KCNC2: variants seen among roughly 807,000 people sequenced by gnomAD.
KCNC2 encodes the protein potassium voltage-gated channel subfamily C member 2.
KCNC2 carries 21 observed loss-of-function variants against 44.5 expected under a neutral mutation model. That is an observed-to-expected ratio of 0.47 (90% CI 0.33 to 0.68). KCNC2 has a LOEUF of 0.68. Among genes scored for constraint, KCNC2 ranks in the 30% least tolerant of loss-of-function variants. The pLI, the probability that KCNC2 is intolerant of heterozygous loss-of-function variation, is 0.01. For synonymous variants in KCNC2, 391 were observed against 339.1 expected, an observed-to-expected ratio of 1.15 and a Z score of -1.68; for missense variants, 589 against 826.2, an observed-to-expected ratio of 0.71 and a Z score of 3.52.
Position 75,042,574 on chromosome 12 carries a change from G to T in KCNC2, c.*531C>A. The T allele has an allele frequency of 1.5e-6, 2 of 1,376,860 alleles. No homozygotes were observed. The highest frequency in any genetic ancestry group is 1.9e-6 in the Non-Finnish European group (2 of 1,067,512). The allele number at this position is 1,376,860 out of a possible 1,614,324, so 85.3% of individuals were successfully genotyped here. ...CCAATGCTTTCATATCAGCAGGATG[G>T]TTCGATGCAAGTACACATATCCTGA... On this transcript the variant is annotated 3_prime_UTR_variant, in exon 5 of 5. Transcript: ENST00000549446.
chr12:75,091,767 T>TA (rs533136516), intron 2 of KCNC2, among the ~76,000 whole-genome samples: 15 of 150,846 alleles, frequency 9.9e-5, no homozygotes, highest in South Asian at 6.3e-4. Flanking sequence ...AGTGCTATGT[T>TA]AAAAAAAAAT....
At chr12:75,181,895 A>G (rs1025777100) in intron 2 of KCNC2, among the ~76,000 whole-genome samples, 10 of 119,884 alleles carry the variant, frequency 8.3e-5, no homozygotes, top group Non-Finnish European at 1.7e-4. Context: ...CTAGGGAAAC[A>G]TTATTACTAT....
At chr12:75,140,536 T>C (rs945769463) in intron 2 of KCNC2, among the ~76,000 whole-genome samples, 1 of 152,200 alleles carries the variant, frequency 6.6e-6, no homozygotes, top group African/African-American at 2.4e-5. Flanking sequence ...ATTGATCTTG[T>C]TTGCTACCAT....
At chr12:75,195,114 G>A (rs183369226) in intron 2 of KCNC2, among the ~76,000 whole-genome samples, 1 of 152,224 alleles carries the variant, frequency 6.6e-6, no homozygotes, top group Non-Finnish European at 1.5e-5. Context: ...ACATGGGACA[G>A]GCAGTTCTGT....
At chr12:75,175,953 AT>A (rs1469643714) in intron 2 of KCNC2, among the ~76,000 whole-genome samples, 2 of 152,080 alleles carry the variant, frequency 1.3e-5, no homozygotes, top group Admixed American at 1.3e-4. Context: ...ATCCTAAAAA[AT>A]GATTTATTAT....
At chr12:75,098,769 T>TAAAA (rs1460434230) in intron 2 of KCNC2, among the ~76,000 whole-genome samples, 1 of 150,736 alleles carries the variant, frequency 6.6e-6, no homozygotes, top group Non-Finnish European at 1.5e-5. Context: ...AATAAATAAA[T>TAAAA]AAATAAATAA....
chr12:75,071,973 T>G (rs1206538594), intron 2 of KCNC2, among the ~76,000 whole-genome samples: 1 of 128,050 alleles, frequency 7.8e-6, no homozygotes, highest in African/African-American at 3.1e-5. Context: ...AAGAGTTAAC[T>G]CTTCATAAAA....
Position 75,041,184 on chromosome 12 carries a change from T to A in KCNC2, c.*1921A>T, listed in dbSNP as rs1228890078. 6.3e-7 allele frequency: 1 copy of A among 1,596,248 alleles called. No individual in the cohort carries two copies. Among genetic ancestry groups the A allele is most frequent in the Non-Finnish European group, 8.5e-7 (1 of 1,178,374 alleles). ...CTGTCCCTTTCTCAGCAGTCAATAA[T>A]CCATGATAAATTCTGTACAACACTG... On this transcript the variant is annotated 3_prime_UTR_variant, in exon 5 of 5. Transcript: ENST00000549446.
chr12:75,098,656 G>A lies in KCNC2; in HGVS notation c.688-47339C>T, dbSNP rs181292234. Among the ~76,000 whole-genome samples the A allele has an allele frequency of 1.4e-3, 206 of 152,112 alleles. 1 individual carries two copies. The highest frequency in any genetic ancestry group is 4.5e-3 in the African/African-American group (188 of 41,480). ...CACCTGTAATCCCAGCTGCTTGGGA[G>A]GCTGAGGCAGGAGAATGGCTTGAAC... On this transcript the variant is annotated intron_variant, in intron 2 of 4. Transcript: ENST00000549446.
intron 2 of KCNC2, among the ~76,000 whole-genome samples, chr12:75,171,172 A>T (rs915720425): frequency 6.6e-6 from 1 of 151,932 alleles, no homozygotes; most frequent in Non-Finnish European, 1.5e-5. Flanking sequence ...TATACCCTTG[A>T]TAATCTCCTT....
intron 2 of KCNC2, among the ~76,000 whole-genome samples, chr12:75,094,062 C>T (rs1885716709): frequency 6.6e-6 from 1 of 151,608 alleles, no homozygotes; most frequent in Admixed American, 6.6e-5. Context: ...CAAATTCTTG[C>T]TTCCCCTTTG....
At chr12:75,056,029 A>T (rs1002163559) in intron 2 of KCNC2, among the ~76,000 whole-genome samples, 2 of 152,070 alleles carry the variant, frequency 1.3e-5, no homozygotes, top group African/African-American at 2.4e-5. Context: ...GCCCAGGATC[A>T]CTAATATTGC....
At chr12:75,156,939 G>T (rs1379964) in intron 2 of KCNC2, among the ~76,000 whole-genome samples, 29,666 of 151,570 alleles carry the variant, frequency 0.2, 3,209 homozygotes, top group African/African-American at 0.27. Flanking sequence ...ACTAACACTG[G>T]GTAAAGTGTT....
At chr12:75,120,615 G>C (rs1887983924) in intron 2 of KCNC2, among the ~76,000 whole-genome samples, 1 of 152,124 alleles carries the variant, frequency 6.6e-6, no homozygotes, top group South Asian at 2.1e-4. Context: ...CCCTGACACA[G>C]AAGTGCTAAA....
chr12:75,208,113 G>C, intron 1 of KCNC2, 111 bp from the exon 2 acceptor site: 8 of 1,305,940 alleles, frequency 6.1e-6, no homozygotes, highest in Non-Finnish European at 8.4e-6. Context: ...TGGCAGACAG[G>C]CACGGGGCAA....
chr12:75,184,271 A>G (rs182446658), intron 2 of KCNC2, among the ~76,000 whole-genome samples: 27 of 152,262 alleles, frequency 1.8e-4, no homozygotes, highest in Admixed American at 5.2e-4. Flanking sequence ...GAACAAATTA[A>G]TTTTGACAAT....
chr12:75,043,865 TAA>T (rs1270762664), intron 4 of KCNC2: 5 of 1,092,414 alleles, frequency 4.6e-6, no homozygotes, highest in Admixed American at 2.6e-5. Flanking sequence ...AAATATAAAT[TAA>T]GTCATAATTT....
intron 2 of KCNC2, among the ~76,000 whole-genome samples, chr12:75,074,192 G>A (rs1427811595): frequency 6.6e-6 from 1 of 151,108 alleles, no homozygotes; most frequent in Non-Finnish European, 1.5e-5. Context: ...ATAAGTAGGA[G>A]GTCTGCAAGC....
At chr12:75,189,739 T>G (rs1363640722) in intron 2 of KCNC2, among the ~76,000 whole-genome samples, 1 of 152,208 alleles carries the variant, frequency 6.6e-6, no homozygotes, top group African/African-American at 2.4e-5. Flanking sequence ...GGCAATGGTA[T>G]CAGGAATGTT....
Sources: allele counts gnomAD v4.1 joint callset (sites outside exome capture counted in the v4.1 genomes callset), GRCh38; gene constraint gnomAD v4.1.1; transcripts MANE v1.5; gene names NCBI Gene and HGNC (gene_info 2026-07-23, HGNC 2026-07-21).